Variants in DDAH1 observed in about 807,000 individuals in gnomAD.
DDAH1 encodes the protein dimethylarginine dimethylaminohydrolase 1.
A neutral mutation model predicts 28.8 loss-of-function variants in DDAH1; 19 were observed. The ratio of observed to expected loss-of-function variants is 0.66; its 90% CI spans 0.46 to 0.97. The LOEUF is 0.97. Among genes scored for constraint, DDAH1 ranks in the 50% least tolerant of loss-of-function variants. The pLI is 0.00. For missense variants in DDAH1, 326 were observed against 375.9 expected, an observed-to-expected ratio of 0.87 and a Z score of 1.10; for synonymous variants, 153 against 154.4, an observed-to-expected ratio of 0.99 and a Z score of 0.07.
At chr1:85,361,254 A>G (rs1489502242) in intron 1 of DDAH1, among the ~76,000 whole-genome samples, 1 of 152,222 alleles carries the variant, frequency 6.6e-6, no homozygotes, top group Non-Finnish European at 1.5e-5. Context: ...TCAGGCAGTT[A>G]GAACACTAAA....
intron 1 of DDAH1, among the ~76,000 whole-genome samples, chr1:85,364,882 A>G (rs1649985752): frequency 6.6e-6 from 1 of 152,174 alleles, no homozygotes; most frequent in Non-Finnish European, 1.5e-5. Context: ...AACTACCAAC[A>G]AAAAGGGATC....
chr1:85,434,319 C>T (rs1339831175), intron 1 of DDAH1, among the ~76,000 whole-genome samples: 2 of 152,078 alleles, frequency 1.3e-5, no homozygotes, highest in Non-Finnish European at 2.9e-5. Flanking sequence ...TTTTTATGTA[C>T]ACTTGAGTCT....
intron 4 of DDAH1, among the ~76,000 whole-genome samples, chr1:85,332,459 A>AT (rs749790568): frequency 7.2e-5 from 11 of 152,202 alleles, no homozygotes; most frequent in Non-Finnish European, 2.9e-5. Flanking sequence ...TCACACTAGC[A>AT]TGTGTCCTGA....
intron 1 of DDAH1, among the ~76,000 whole-genome samples, chr1:85,368,905 A>G (rs897414316): frequency 4.6e-5 from 7 of 152,266 alleles, no homozygotes; most frequent in African/African-American, 1.7e-4. Context: ...AATGTATGGG[A>G]AATATTTTGT....
intron 1 of DDAH1, among the ~76,000 whole-genome samples, chr1:85,552,772 A>G (rs1334337715): frequency 6.6e-6 from 1 of 152,218 alleles, no homozygotes; most frequent in African/African-American, 2.4e-5. Context: ...ATTCAGAGTC[A>G]GTTGAACAGT....
intron 1 of DDAH1, among the ~76,000 whole-genome samples, chr1:85,386,533 T>TC (rs1458665585): frequency 6.6e-6 from 1 of 152,222 alleles, no homozygotes; most frequent in Non-Finnish European, 1.5e-5. Context: ...GGCAGTGCTG[T>TC]CCCCACAGCT....
At chr1:85,578,020 A>T (rs1241001846) in exon 1 of DDAH1, 1 of 985,526 alleles carries the variant, frequency 1.0e-6, no homozygotes, top group Middle Eastern at 5.2e-4. Context: ...CTGTCCGTCA[A>T]CTTGGACTGA....
chr1:85,399,649 A>G (rs908168363), intron 1 of DDAH1: 3 of 152,250 alleles, frequency 2.0e-5, no homozygotes, highest in Admixed American at 1.3e-4. Flanking sequence ...AGCAGGAGAG[A>G]GAGATAGCAG....
chr1:85,337,659 G>A (rs1273390927), intron 4 of DDAH1, among the ~76,000 whole-genome samples: 2 of 151,998 alleles, frequency 1.3e-5, no homozygotes, highest in African/African-American at 4.8e-5. Context: ...TCACCATATT[G>A]GCCAGGCTGG....
At chr1:85,351,060 GTTT>G (rs35352719) in intron 3 of DDAH1, among the ~76,000 whole-genome samples, 3 of 137,208 alleles carry the variant, frequency 2.2e-5, no homozygotes, top group African/African-American at 5.3e-5. Context: ...GGGTTTCCAA[GTTT>G]TTTTTTTTTT....
intron 1 of DDAH1, among the ~76,000 whole-genome samples, chr1:85,408,938 T>C (rs1305957208): frequency 2.6e-5 from 4 of 152,146 alleles, no homozygotes; most frequent in African/African-American, 9.7e-5. Context: ...ACACGGTTCC[T>C]GCCCTCATGG....
At chr1:85,479,804 C>T (rs1182373703) in intron 2 of DDAH1, among the ~76,000 whole-genome samples, 2 of 152,148 alleles carry the variant, frequency 1.3e-5, no homozygotes, top group African/African-American at 4.8e-5. Flanking sequence ...CAGCTTCCAT[C>T]TGTTTGGCCC....
At chr1:85,359,597 A>C (rs1378873473) in intron 1 of DDAH1, among the ~76,000 whole-genome samples, 1 of 152,204 alleles carries the variant, frequency 6.6e-6, no homozygotes, top group African/African-American at 2.4e-5. Flanking sequence ...TAGGACAATC[A>C]CTGTTTTCTA....
intron 4 of DDAH1, among the ~76,000 whole-genome samples, chr1:85,333,228 T>C (rs1210613229): frequency 6.6e-6 from 1 of 152,154 alleles, no homozygotes; most frequent in Non-Finnish European, 1.5e-5. Flanking sequence ...TGATGGTGTA[T>C]AGCCAAAGAA....
chr1:85,492,009 A>G (rs1317510233), intron 2 of DDAH1, among the ~76,000 whole-genome samples: 2 of 152,214 alleles, frequency 1.3e-5, no homozygotes, highest in Non-Finnish European at 2.9e-5. Context: ...CTAACACTTA[A>G]CATACATTAT....
chr1:85,358,939 G>A (rs1649636957), intron 1 of DDAH1, 92 bp from the exon 2 acceptor site: 16 of 872,772 alleles, frequency 1.8e-5, no homozygotes, highest in Middle Eastern at 2.2e-4. Flanking sequence ...TCAAGCTCTC[G>A]TGCACACACC....
intron 1 of DDAH1, among the ~76,000 whole-genome samples, chr1:85,445,213 T>C (rs1232610626): frequency 6.6e-6 from 1 of 152,144 alleles, no homozygotes; most frequent in Non-Finnish European, 1.5e-5. Flanking sequence ...CCAGGATCAA[T>C]ACTTTGTATC....
intron 1 of DDAH1, among the ~76,000 whole-genome samples, chr1:85,459,852 A>C (rs989931178): frequency 3.3e-5 from 5 of 152,240 alleles, no homozygotes; most frequent in African/African-American, 1.2e-4. Flanking sequence ...GAGAGAAGGG[A>C]AGTAAAATAA....
At chr1:85,494,201 A>G (rs374742373) in intron 2 of DDAH1, 4 of 152,194 alleles carry the variant, frequency 2.6e-5, no homozygotes, top group African/African-American at 9.7e-5. Context: ...AGGATATCAC[A>G]CATATAAAGT....
Sources: gnomAD v4.1 joint callset for allele counts (sites outside exome capture counted in the v4.1 genomes callset) on GRCh38, gnomAD v4.1.1 for gene constraint, MANE v1.5 for transcripts, NCBI Gene and HGNC (gene_info 2026-07-23, HGNC 2026-07-21) for gene names.